The following CEP152 variants were observed in gnomAD, a reference collection of about 807,000 sequenced individuals.
CEP152 encodes centrosomal protein 152, also known as centrosomal protein of 152 kDa.
Under a neutral mutation model 188.9 loss-of-function variants are expected in CEP152, and 132 were observed. The ratio of observed to expected loss-of-function variants is 0.70; its 90% confidence interval spans 0.61 to 0.81. CEP152 has a LOEUF of 0.81. CEP152 is among the 30% of genes least tolerant of loss of function. CEP152 has a pLI of 0.00. For missense variants in CEP152, 1,914 were observed against 1,969.8 expected, an observed-to-expected ratio of 0.97 and a Z score of 0.54; for synonymous variants, 649 against 666.6, an observed-to-expected ratio of 0.97 and a Z score of 0.41.
intron 2 of CEP152, chr15:48,729,755 T>C (rs1892360116): frequency 6.6e-6 from 1 of 152,088 alleles, no homozygotes; most frequent in Admixed American, 6.5e-5. Context: ...TGTACATGCA[T>C]ACATATGTAT....
At chr15:48,729,998 C>A (rs984555564) in intron 2 of CEP152, among the ~76,000 whole-genome samples, 2 of 151,554 alleles carry the variant, frequency 1.3e-5, no homozygotes, top group African/African-American at 4.9e-5. Context: ...CCCACCGGCC[C>A]CCCCCAAAAA....
At position 48,752,483 on chromosome 15, in the gene CEP152, T is replaced by A. The variant is rs901777434; in HGVS notation, c.3346-14A>T. The A allele has an allele frequency of 5.6e-6, 9 of 1,612,678 alleles. No individual in the cohort carries two copies. The highest frequency in any genetic ancestry group is 7.6e-6 in the Non-Finnish European group (9 of 1,179,974). Reference sequence around the variant, plus strand: ...GGCCATATTTCTCTGAAATAAAGTATCTTCAAAGTTAATGCTTAGTAAAAA... The same window carrying A: ...GGCCATATTTCTCTGAAATAAAGTAACTTCAAAGTTAATGCTTAGTAAAAA... On this transcript the variant is annotated splice_polypyrimidine_tract_variant and intron_variant, in intron 20 of 26. Coordinates refer to ENST00000380950, the MANE Select transcript of CEP152 (RefSeq NM_001194998.2).
chr15:48,738,793 CT>C lies in CEP152; in HGVS notation c.4588del (p.Arg1530AspfsTer4). 6.2e-7 allele frequency: 1 copy of C among 1,614,152 alleles called. No homozygotes were observed. The highest frequency in any genetic ancestry group is 1.1e-5 in the South Asian group (1 of 91,076). ...MHITFRDSNE[R>X]LGLKVYKCNP... is the part of the protein sequence containing the mutation. ...GCATTTATATACTTTTAAACCAAGTCTTTCATTAGAATCGCGAAAGGTTATA... is the reference window on the plus strand; with the variant it reads ...GCATTTATATACTTTTAAACCAAGTCTTCATTAGAATCGCGAAAGGTTATA... On this transcript the variant is annotated frameshift_variant, in exon 27 of 27. Transcript: ENST00000380950. LOFTEE classifies it low-confidence loss of function (END_TRUNC).
At chr15:48,741,840 T>C in intron 25 of CEP152, 107 bp downstream of exon 25, 1 of 1,610,820 alleles carries the variant, frequency 6.2e-7, no homozygotes, top group East Asian at 2.2e-5. Context: ...TAACCCCCTA[T>C]GGCTGATCAT....
Position 48,810,093 on chromosome 15 carries a change from T to C in CEP152, c.-8+868A>G, listed in dbSNP as rs141184892. The C allele has an allele frequency of 5.3e-5, 8 of 152,350 alleles. No homozygotes were observed. The East Asian group carries it at 1.5e-3, about 29-fold the overall frequency. 9.4% of individuals were successfully genotyped at this position (152,350 alleles called of 1,614,324 possible). On this transcript the variant is annotated intron_variant, in intron 1 of 26. Transcript: ENST00000380950. The stretch of plus-strand genomic sequence containing the variant: ...AGTGCATGTTCATTGTCACGCACTA[T>C]GAAGGTATAAGGTGATAATAGGCTT...
At chr15:48,803,429 G>C (rs1018024616) in intron 2 of CEP152, among the ~76,000 whole-genome samples, 1 of 152,140 alleles carries the variant, frequency 6.6e-6, no homozygotes, top group Non-Finnish European at 1.5e-5. Flanking sequence ...GAACAGTTCC[G>C]AAGTTTGTTA....
At chr15:48,801,412 T>C (rs1173158334) in intron 2 of CEP152, among the ~76,000 whole-genome samples, 1 of 152,236 alleles carries the variant, frequency 6.6e-6, no homozygotes, top group Non-Finnish European at 1.5e-5. Context: ...AGTACCACTA[T>C]AAAAACCAAG....
chr15:48,772,615 G>T lies in CEP152; in HGVS notation c.1654C>A (p.Arg552Ser). ...FILKLKAEVQ[R>S]LLGSNSMKRH... The stretch of plus-strand genomic sequence containing the variant: ...TTCATTGAGTTGCTACCCAGCAAAC[G>T]CTGTACTTCTGCCTTTAACTTCAGA... Residue 552 changes from arginine (R) to serine (S), a missense_variant, in exon 13 of 27, where the codon CGT becomes AGT. By Grantham distance (110) the Arg-to-Ser change is moderately radical. Coordinates refer to ENST00000380950, the MANE Select transcript of CEP152 (RefSeq NM_001194998.2). The T allele has an allele frequency of 6.2e-7, 1 of 1,614,050 alleles. No homozygotes were observed. The highest frequency in any genetic ancestry group is 1.1e-5 in the South Asian group (1 of 91,084).
intron 12 of CEP152, among the ~76,000 whole-genome samples, chr15:48,774,998 A>C (rs896549495): frequency 6.6e-6 from 1 of 152,130 alleles, no homozygotes; most frequent in Non-Finnish European, 1.5e-5. Context: ...CAAAAGTTAA[A>C]ATAAAAACAC....
chr15:48,775,148 G>T (rs1032928333), intron 12 of CEP152, among the ~76,000 whole-genome samples: 1 of 151,970 alleles, frequency 6.6e-6, no homozygotes, highest in Middle Eastern at 3.4e-3. Flanking sequence ...TCAAGAAACT[G>T]TAGTATAATA....
chr15:48,792,208 TCTCGATCTCCTGA>T (rs1261195725), intron 7 of CEP152, among the ~76,000 whole-genome samples: 1 of 152,128 alleles, frequency 6.6e-6, no homozygotes, highest in Non-Finnish European at 1.5e-5. Flanking sequence ...GCCAGGATGA[TCTCGATCTCCTGA>T]CCGCGTGACC....
At chr15:48,774,259 T>G (rs1895741988) in intron 12 of CEP152, among the ~76,000 whole-genome samples, 2 of 152,044 alleles carry the variant, frequency 1.3e-5, no homozygotes, top group Admixed American at 1.3e-4. Context: ...TTCCAACATG[T>G]GTAACTGAAC....
chr15:48,795,884 T>C, intron 6 of CEP152, 126 bp downstream of exon 6: 2 of 854,512 alleles, frequency 2.3e-6, no homozygotes, highest in Non-Finnish European at 3.7e-6. Context: ...CTCTTTGAAA[T>C]ATCAAGCACA....
chr15:48,737,679 C>T (rs1005960203), downstream of CEP152, among the ~76,000 whole-genome samples: 19 of 151,846 alleles, frequency 1.3e-4, no homozygotes, highest in Non-Finnish European at 2.9e-5. Context: ...ATAATAAAAC[C>T]AGGACATAGC....
At position 48,782,156 on chromosome 15, in the gene CEP152, T is replaced by C; in HGVS notation, c.1396A>G (p.Met466Val). The C allele has an allele frequency of 1.2e-6, 2 of 1,613,876 alleles. No homozygotes were observed. The highest frequency in any genetic ancestry group is 2.2e-5 in the East Asian group (1 of 44,880). Residue 466 changes from methionine to valine, a missense_variant, in exon 11 of 27, where the codon ATG becomes GTG. Coordinates refer to ENST00000380950, the MANE Select transcript of CEP152 (RefSeq NM_001194998.2). ...AQKAHAMSAN[M>V]NKALQEELTE... is the part of the protein sequence containing the mutation. ...ACACTCACTTGCAAAGCCTTGTTCA[T>C]GTTTGCACTCATAGCATGTGCCTTC... is the stretch of plus-strand genomic sequence containing the variant.
rs756468243 is a variant in CEP152 at position 48,738,967 on chromosome 15, C to CCTCCTTCACCTTCACAAGGAACAAA, written c.4390_4414dup (p.Gly1472ValfsTer5). The CCTCCTTCACCTTCACAAGGAACAAA allele has an allele frequency of 6.2e-7, 1 of 1,613,942 alleles. No homozygotes were observed. Among genetic ancestry groups the CCTCCTTCACCTTCACAAGGAACAAA allele is most frequent in the Non-Finnish European group, 8.5e-7 (1 of 1,179,898 alleles). On this transcript the variant is annotated stop_gained and frameshift_variant, in exon 27 of 27. Coordinates refer to ENST00000380950, the MANE Select transcript of CEP152 (RefSeq NM_001194998.2). LOFTEE classifies it low-confidence loss of function (END_TRUNC). ...GTCTTTCTTCTTGTGCAAACCAAAG[C>CCTCCTTCACCTTCACAAGGAACAAA]CTCCTTCACCTTCACAAGGAACAAA...
chr15:48,755,412 A>C (rs1894182781), intron 20 of CEP152, among the ~76,000 whole-genome samples: 1 of 152,270 alleles, frequency 6.6e-6, no homozygotes, highest in Admixed American at 6.5e-5. Flanking sequence ...CTTATTATGC[A>C]TATTTCATGA....
intron 19 of CEP152, 149 bp from the exon 20 acceptor site, chr15:48,756,702 C>A: frequency 1.3e-6 from 1 of 748,794 alleles, no homozygotes; most frequent in South Asian, 1.9e-5. Context: ...AGACATTATT[C>A]TAAAAACTAT....
chr15:48,743,628 C>T (rs1238484416), intron 24 of CEP152, among the ~76,000 whole-genome samples: 2 of 152,104 alleles, frequency 1.3e-5, no homozygotes, highest in South Asian at 2.1e-4. Flanking sequence ...TTTGCGAGGC[C>T]GAAGCGGGTG....
Sources: gnomAD v4.1 joint callset for allele counts (sites outside exome capture counted in the v4.1 genomes callset) on GRCh38, gnomAD v4.1.1 for gene constraint, MANE v1.5 for transcripts, NCBI Gene and HGNC (gene_info 2026-07-23, HGNC 2026-07-21) for gene names.